GPR153: variants seen among roughly 807,000 people sequenced by gnomAD.
The protein encoded by GPR153 is probable G protein-coupled receptor 153.
Under a neutral mutation model 34.1 loss-of-function variants are expected in GPR153, and 27 were observed. The ratio of observed to expected loss-of-function variants is 0.79; its 90% CI spans 0.58 to 1.09. The LOEUF (loss-of-function observed/expected upper bound fraction) is 1.09, where lower values mean the gene tolerates loss of function less well. GPR153 is among the 50% of genes least tolerant of loss of function. The pLI is 0.00. For synonymous variants in GPR153, 408 were observed against 405.4 expected (o/e 1.01, Z -0.08); for missense variants, 848 against 860.2 (o/e 0.99, Z 0.18).
rs768438957 is a variant in GPR153 at position 6,254,849 on chromosome 1, GC to G, written c.56del (p.Gly19AlafsTer37). ...GSAVGWLVCGGLSLLANAWGI... is the reference protein window; with the variant it reads ...GSAVGWLVCGXLSLLANAWGI... Reference sequence around the variant, plus strand: ...CCCAGGCATTGGCCAGCAGGGAGAGGCCCCCACATACCAGCCAGCCCACTGC... The same window carrying G: ...CCCAGGCATTGGCCAGCAGGGAGAGGCCCCACATACCAGCCAGCCCACTGC... On this transcript the variant is annotated frameshift_variant, in exon 2 of 6. Transcript: ENST00000377893. LOFTEE classifies it high-confidence loss of function. 4 of 1,604,994 alleles carry G rather than the reference GC, an allele frequency of 2.5e-6. No individual in the cohort carries two copies. Among genetic ancestry groups the G allele is most frequent in the Non-Finnish European group, 3.4e-6 (4 of 1,175,938 alleles).
intron 1 of GPR153, among the ~76,000 whole-genome samples, chr1:6,255,662 T>TTTTG (rs1638554898): frequency 1.4e-5 from 2 of 139,278 alleles, no homozygotes; most frequent in African/African-American, 5.5e-5. Flanking sequence ...TTTTTTTTTT[T>TTTTG]TTTTTTTTGA....
At position 6,254,758 on chromosome 1, in the gene GPR153, C is replaced by T. The variant is rs1638527813; in HGVS notation, c.148G>A (p.Ala50Thr). ...KPLEFLLCTL[A>T]ATHMLNVAVP... ...GCCACATTTAGCATGTGGGTGGCCG[C>T]GAGTGTACACAGCAGGAACTCCAAG... Residue 50 changes from alanine to threonine, a missense_variant, in exon 2 of 6, where the codon GCG becomes ACG. By Grantham distance (58) the Ala-to-Thr change is moderately conservative. Coordinates refer to ENST00000377893, the MANE Select transcript of GPR153 (RefSeq NM_207370.4). 2.5e-6 allele frequency: 4 copies of T among 1,613,700 alleles called. No homozygotes were observed. Among genetic ancestry groups the T allele is most frequent in the Non-Finnish European group, 3.4e-6 (4 of 1,179,904 alleles).
Position 6,249,341 on chromosome 1 carries a change from G to A in GPR153, c.1827C>T (p.Ser609=). 7.7e-7 allele frequency: 1 copy of A among 1,302,556 alleles called. No individual in the cohort carries two copies. The highest frequency in any genetic ancestry group is 9.7e-7 in the Non-Finnish European group (1 of 1,027,202). 80.7% of individuals were successfully genotyped at this position (1,302,556 alleles called of 1,614,324 possible). The change falls in exon 6 of 6, where the codon TCC becomes TCT. Residue 609 remains serine, a synonymous_variant. Coordinates refer to ENST00000377893, the MANE Select transcript of GPR153 (RefSeq NM_207370.4). The surrounding 1 kb of genome is among the most constrained non-coding windows in gnomAD (Gnocchi z 4.3). ...CCGTGGGGAGGCGCCGGCGGTCCTA[G>A]GACGCGGAGCCCAGCGAGTCCGAGT... ...TLHSDSLGSA[S] is the part of the protein sequence containing the mutation.
At chr1:6,254,306 A>G (rs1571240850) in intron 2 of GPR153, among the ~76,000 whole-genome samples, 159 bp from the exon 3 acceptor site, 1 of 152,130 alleles carries the variant, frequency 6.6e-6, no homozygotes, top group Admixed American at 6.5e-5. Flanking sequence ...TGTTCCTTGC[A>G]TAGGAGATAC....
At position 6,249,203 on chromosome 1, in the gene GPR153, G is replaced by T; in HGVS notation, c.*135C>A. ...AGCTGGGAGGAGCCGGAAGACAAAC[G>T]CTGAGGCCAACGCCCCCTCACCCCT... On this transcript the variant is annotated 3_prime_UTR_variant, in exon 6 of 6. Transcript: ENST00000377893. This position sits in a 1 kb window ranked among gnomAD's most constrained non-coding sequence, Gnocchi z 4.3. The T allele has an allele frequency of 3.2e-6, 2 of 625,928 alleles. No homozygotes were observed. The highest frequency in any genetic ancestry group is 4.6e-6 in the Non-Finnish European group (2 of 437,284). 38.8% of individuals were successfully genotyped at this position (625,928 alleles called of 1,614,324 possible).
intron 1 of GPR153, among the ~76,000 whole-genome samples, chr1:6,257,292 C>A (rs987183634): frequency 6.6e-6 from 1 of 152,220 alleles, no homozygotes; most frequent in Non-Finnish European, 1.5e-5. Flanking sequence ...GAAGACCACA[C>A]CCCCTGAACC....
intron 3 of GPR153, among the ~76,000 whole-genome samples, chr1:6,253,310 C>T (rs866292902): frequency 3.9e-5 from 6 of 152,260 alleles, no homozygotes; most frequent in Middle Eastern, 6.8e-3. Flanking sequence ...GCAGGAGACT[C>T]GCTTGAACCC....
intron 3 of GPR153, among the ~76,000 whole-genome samples, chr1:6,252,337 C>T (rs1638467640): frequency 6.6e-6 from 1 of 152,192 alleles, no homozygotes; most frequent in Non-Finnish European, 1.5e-5. Flanking sequence ...GGAGTGGCCC[C>T]ACAAGCTGTA....
chr1:6,257,889 A>T lies in GPR153; in HGVS notation c.-109-2875T>A, dbSNP rs184839090. On this transcript the variant is annotated intron_variant, in intron 1 of 5. Coordinates refer to ENST00000377893, the MANE Select transcript of GPR153 (RefSeq NM_207370.4). ...GAAGCCCAGTACCAAGTGAAGGCCT[A>T]CTTGTGCTCTGCTCACACTTAACTG... Among the ~76,000 whole-genome samples, 302 of 152,346 alleles carry T rather than the reference A, an allele frequency of 2.0e-3. 1 individual carries two copies. Among genetic ancestry groups the T allele is most frequent in the African/African-American group, 7.0e-3 (289 of 41,576 alleles).
chr1:6,251,266 C>T lies in GPR153; in HGVS notation c.979+72G>A, dbSNP rs957298152. 21 of 1,250,070 alleles carry T rather than the reference C, an allele frequency of 1.7e-5. 1 individual carries two copies. Among genetic ancestry groups the T allele is most frequent in the South Asian group, 1.3e-4 (9 of 69,318 alleles). The allele number at this position is 1,250,070 out of a possible 1,614,324, so 77.4% of individuals were successfully genotyped here. ...CTCCTTAGTGGCGTTGCCTGACAGC[C>T]GTTTTCCTGCCAACCCCAATGACCT... On this transcript the variant is annotated intron_variant, in intron 4 of 5. Transcript: ENST00000377893. This position sits in a 1 kb window ranked among gnomAD's most constrained non-coding sequence, Gnocchi z 4.9.
chr1:6,260,224 C>T (rs1454325526), intron 1 of GPR153, among the ~76,000 whole-genome samples: 4 of 152,120 alleles, frequency 2.6e-5, no homozygotes, highest in Non-Finnish European at 5.9e-5. Context: ...CTTCCGCCCC[C>T]ACGCCGGTCT....
At chr1:6,258,179 T>C (rs927711350) in intron 1 of GPR153, among the ~76,000 whole-genome samples, 5 of 152,162 alleles carry the variant, frequency 3.3e-5, no homozygotes, top group Non-Finnish European at 7.4e-5. Context: ...TTTACTCTTA[T>C]TACCCAGGGT....
At position 6,249,174 on chromosome 1, in the gene GPR153, G is replaced by A. The variant is rs1423779165; in HGVS notation, c.*164C>T. 1 of 502,898 alleles carries A rather than the reference G, an allele frequency of 2.0e-6. No homozygotes were observed. The highest frequency in any genetic ancestry group is 3.1e-6 in the Non-Finnish European group (1 of 324,814). The allele number at this position is 502,898 out of a possible 1,614,324, so 31.2% of individuals were successfully genotyped here. On this transcript the variant is annotated 3_prime_UTR_variant, in exon 6 of 6. Coordinates refer to ENST00000377893, the MANE Select transcript of GPR153 (RefSeq NM_207370.4). The surrounding 1 kb of genome is among the most constrained non-coding windows in gnomAD (Gnocchi z 4.3). Reference sequence around the variant, plus strand: ...GGGGCAGCCGTCGCCCCTGGGACAAGGCCAGCTGGGAGGAGCCGGAAGACA... The same window carrying A: ...GGGGCAGCCGTCGCCCCTGGGACAAAGCCAGCTGGGAGGAGCCGGAAGACA...
In GPR153 at chr1:6,249,108, C is replaced by T. The variant is rs968540883; in HGVS notation, c.*230G>A. 5 of 375,142 alleles carry T rather than the reference C, an allele frequency of 1.3e-5. No individual in the cohort carries two copies. Among genetic ancestry groups the T allele is most frequent in the Non-Finnish European group, 1.4e-5 (3 of 212,404 alleles). 23.2% of individuals were successfully genotyped at this position (375,142 alleles called of 1,614,324 possible). A position where few individuals can be genotyped will look rare whatever the true frequency, so the allele number is the denominator to read the frequency against. ...TGTCACTCAGCTCCCCAGGCCCGAC[C>T]TCACTCGGCCCGGGACATGCGGTGC... On this transcript the variant is annotated 3_prime_UTR_variant, in exon 6 of 6. Transcript: ENST00000377893. This position sits in a 1 kb window ranked among gnomAD's most constrained non-coding sequence, Gnocchi z 4.3.
chr1:6,257,281 G>A lies in GPR153; in HGVS notation c.-109-2267C>T, dbSNP rs749286511. 1.6e-4 allele frequency among the ~76,000 whole-genome samples: 25 copies of A among 152,274 alleles called. No homozygotes were observed. The Middle Eastern group carries it at 0.017, about 104-fold the overall frequency. ...ATCAGGCCACGTAAGGACATGTCCCGGAAGACCACACCCCCTGAACCTCCA... is the reference window on the plus strand; with the variant it reads ...ATCAGGCCACGTAAGGACATGTCCCAGAAGACCACACCCCCTGAACCTCCA... On this transcript the variant is annotated intron_variant, in intron 1 of 5. Transcript: ENST00000377893.
chr1:6,255,642 GTTTTTTTTTTTT>G (rs59403526), intron 1 of GPR153, among the ~76,000 whole-genome samples: 5 of 38,840 alleles, frequency 1.3e-4, no homozygotes, highest in Admixed American at 4.9e-4. Flanking sequence ...GCCTGGCTAC[GTTTTTTTTTTTT>G]TTTTTTTTTT....
chr1:6,255,706 G>A (rs2100991538), intron 1 of GPR153, among the ~76,000 whole-genome samples: 1 of 140,128 alleles, frequency 7.1e-6, no homozygotes, highest in African/African-American at 2.7e-5. Flanking sequence ...AGGCTGGAGT[G>A]CAATGGCATG....
At position 6,248,025 on chromosome 1, in the gene GPR153, T is replaced by G. The variant is rs1392122705; in HGVS notation, c.*1313A>C. 6.6e-6 allele frequency: 1 copy of G among 152,452 alleles called. No homozygotes were observed. The highest frequency in any genetic ancestry group is 1.5e-5 in the Non-Finnish European group (1 of 68,210). The allele number at this position is 152,452 out of a possible 1,614,324, so 9.4% of individuals were successfully genotyped here. On this transcript the variant is annotated 3_prime_UTR_variant, in exon 6 of 6. Coordinates refer to ENST00000377893, the MANE Select transcript of GPR153 (RefSeq NM_207370.4). The stretch of plus-strand genomic sequence containing the variant: ...AGGAACTGGGCACAGGCAGGCTCTA[T>G]GCTCACCTTGGAATTACCCCAGGTC...
rs925532714 is a variant in GPR153 at position 6,249,216 on chromosome 1, C to T, written c.*122G>A. ...CGGAAGACAAACGCTGAGGCCAACG[C>T]CCCCTCACCCCTGGGAGGGGTGGCG... On this transcript the variant is annotated 3_prime_UTR_variant, in exon 6 of 6. Coordinates refer to ENST00000377893, the MANE Select transcript of GPR153 (RefSeq NM_207370.4). The surrounding 1 kb of genome is among the most constrained non-coding windows in gnomAD (Gnocchi z 4.3). The T allele has an allele frequency of 7.2e-6, 5 of 697,822 alleles. No homozygotes were observed. Among genetic ancestry groups the T allele is most frequent in the Non-Finnish European group, 1.0e-5 (5 of 502,438 alleles). 43.2% of individuals were successfully genotyped at this position (697,822 alleles called of 1,614,324 possible). A position where few individuals can be genotyped will look rare whatever the true frequency, so the allele number is the denominator to read the frequency against.
Sources: allele counts gnomAD v4.1 joint callset (sites outside exome capture counted in the v4.1 genomes callset), GRCh38; gene constraint gnomAD v4.1.1; non-coding constraint Gnocchi (gnomAD v3.1); transcripts MANE v1.5; gene names NCBI Gene and HGNC (gene_info 2026-07-23, HGNC 2026-07-21).